Variants in ADAMTS18 observed in about 807,000 individuals in gnomAD.
The protein encoded by ADAMTS18 is A disintegrin and metalloproteinase with thrombospondin motifs 18.
In ADAMTS18, 157 loss-of-function variants were observed where a neutral mutation model predicts 165.9. The observed-to-expected ratio is 0.95, with a 90% CI of 0.83 to 1.08. The LOEUF (loss-of-function observed/expected upper bound fraction) is 1.08, where lower values mean the gene tolerates loss of function less well. ADAMTS18 is among the 50% of genes least tolerant of loss of function. The probability of loss-of-function intolerance (pLI) is 0.00; values close to 1 mark genes in which losing one functional copy is unlikely to be tolerated. For missense variants in ADAMTS18, 2,040 were observed against 1,534.0 expected, an observed-to-expected ratio of 1.33 and a Z score of -5.51; for synonymous variants, 782 against 578.2, an observed-to-expected ratio of 1.35 and a Z score of -5.06.
Position 77,322,355 on chromosome 16 carries a change from C to T in ADAMTS18, c.2144G>A (p.Cys715Tyr). 6.2e-7 allele frequency: 1 copy of T among 1,613,908 alleles called. No homozygotes were observed. Among genetic ancestry groups the T allele is most frequent in the Non-Finnish European group, 8.5e-7 (1 of 1,179,926 alleles). ...TCTTACTTCACAAACCCCGTCAATA[C>T]AAACATCATTTTTGTTTGGGGAGCA... ...TPCSPNKNDV[C>Y]IDGVCELVGC... The change falls in exon 14 of 23, where the codon TGT becomes TAT. Residue 715 changes from cysteine (C) to tyrosine (Y), a missense_variant. Transcript: ENST00000282849.
chr16:77,323,662 G>A (rs1487387842), intron 13 of ADAMTS18, among the ~76,000 whole-genome samples: 3 of 151,618 alleles, frequency 2.0e-5, no homozygotes, highest in Non-Finnish European at 4.4e-5. Context: ...CACAGAGATT[G>A]TCCACATTTA....
chr16:77,366,416 GGCGTGCT>G lies in ADAMTS18; in HGVS notation c.778+1018_778+1024del, dbSNP rs1345290812. 2.8e-4 allele frequency among the ~76,000 whole-genome samples: 43 copies of G among 152,222 alleles called. No homozygotes were observed. In the East Asian group the frequency reaches 5.2e-3, roughly 19 times the overall value. On this transcript the variant is annotated intron_variant, in intron 4 of 22. Transcript: ENST00000282849. ...CTACTAAAAATACAAAAATTAGCTT[GGCGTGCT>G]GGCGTGCGCCTATAATTCCACCTAG...
chr16:77,357,600 A>AT (rs755202840), intron 8 of ADAMTS18, among the ~76,000 whole-genome samples: 4 of 152,314 alleles, frequency 2.6e-5, no homozygotes, highest in East Asian at 3.9e-4. Flanking sequence ...GATTGAAGCC[A>AT]TTACGCTAGA....
At chr16:77,412,034 T>C (rs1033543504) in intron 3 of ADAMTS18, among the ~76,000 whole-genome samples, 1 of 151,772 alleles carries the variant, frequency 6.6e-6, no homozygotes, top group South Asian at 2.1e-4. Context: ...TGTGAGGGTG[T>C]TTCCAGGTGA....
At chr16:77,409,424 G>A (rs1254307502) in intron 3 of ADAMTS18, among the ~76,000 whole-genome samples, 1 of 152,120 alleles carries the variant, frequency 6.6e-6, no homozygotes, top group East Asian at 1.9e-4. Context: ...GCATTTAACT[G>A]GGGACTGGCT....
chr16:77,398,089 G>A (rs145830880), intron 3 of ADAMTS18, among the ~76,000 whole-genome samples: 18,330 of 152,122 alleles, frequency 0.12, 1,386 homozygotes, highest in East Asian at 0.22. Context: ...GGCCGAGGCA[G>A]GCAGATCACC....
intron 17 of ADAMTS18, among the ~76,000 whole-genome samples, chr16:77,299,151 T>C (rs904941716): frequency 5.9e-5 from 9 of 152,366 alleles, no homozygotes; most frequent in Middle Eastern, 3.4e-3. Context: ...GAGATGTCTA[T>C]AACATGATTT....
rs370138720 is a variant in ADAMTS18 at position 77,431,375 on chromosome 16, C to G, written c.415G>C (p.Glu139Gln). The G allele has an allele frequency of 1.2e-6, 2 of 1,614,112 alleles. No homozygotes were observed. The highest frequency in any genetic ancestry group is 1.7e-6 in the Non-Finnish European group (2 of 1,180,032). ...KDGASETQKPEVQQCFYQGFI... is the reference protein window; with the variant it reads ...KDGASETQKPQVQQCFYQGFI... Reference sequence around the variant, plus strand: ...CCCTGATAGAAGCATTGCTGCACCTCGGGTTTCTGAGTCTCTGAAGCACCA... The same window carrying G: ...CCCTGATAGAAGCATTGCTGCACCTGGGGTTTCTGAGTCTCTGAAGCACCA... The change falls in exon 3 of 23, where the codon GAG becomes CAG. Residue 139 changes from glutamate to glutamine, a missense_variant. Glu to Gln is a conservative substitution (Grantham distance 29). Coordinates refer to ENST00000282849, the MANE Select transcript of ADAMTS18 (RefSeq NM_199355.4).
Position 77,319,574 on chromosome 16 carries a change from C to T in ADAMTS18, c.2532+275G>A, listed in dbSNP as rs11644591. On this transcript the variant is annotated intron_variant, in intron 16 of 22. Coordinates refer to ENST00000282849, the MANE Select transcript of ADAMTS18 (RefSeq NM_199355.4). The stretch of plus-strand genomic sequence containing the variant: ...CTCCCGCCTCAGCCCCCACTAATAG[C>T]TGGGATTACAGGCGCGTGCCACCAC... Among the ~76,000 whole-genome samples the T allele has an allele frequency of 3.6e-3, 547 of 152,236 alleles. 3 individuals are homozygous for T. The highest frequency in any genetic ancestry group is 5.7e-3 in the Non-Finnish European group (388 of 68,022).
intron 17 of ADAMTS18, among the ~76,000 whole-genome samples, chr16:77,297,707 A>G (rs1275500220): frequency 6.6e-6 from 1 of 152,112 alleles, no homozygotes; most frequent in Non-Finnish European, 1.5e-5. Flanking sequence ...TGAAAACAGA[A>G]TGACTATAAA....
chr16:77,292,438 C>A (rs1456890001), intron 20 of ADAMTS18, among the ~76,000 whole-genome samples: 1 of 152,114 alleles, frequency 6.6e-6, no homozygotes, highest in Non-Finnish European at 1.5e-5. Flanking sequence ...AGAGGCTGCA[C>A]CCTCTGTCTG....
intron 4 of ADAMTS18, among the ~76,000 whole-genome samples, chr16:77,365,764 G>T (rs972357751): frequency 2.0e-5 from 3 of 152,200 alleles, no homozygotes; most frequent in Non-Finnish European, 4.4e-5. Context: ...CTGTAACACT[G>T]GTCCAGCCGT....
At chr16:77,363,685 A>C in intron 6 of ADAMTS18, 117 bp downstream of exon 6, 1 of 857,716 alleles carries the variant, frequency 1.2e-6, no homozygotes, top group African/African-American at 1.7e-5. Flanking sequence ...GAGTCAGCCT[A>C]GTTTCAAATT....
intron 3 of ADAMTS18, among the ~76,000 whole-genome samples, chr16:77,381,621 G>A (rs2057032040): frequency 6.6e-6 from 1 of 152,038 alleles, no homozygotes; most frequent in Admixed American, 6.5e-5. Context: ...GACCAACATG[G>A]TGAAACCTCG....
intron 3 of ADAMTS18, among the ~76,000 whole-genome samples, chr16:77,412,300 G>T (rs1045389363): frequency 1.3e-5 from 2 of 151,980 alleles, no homozygotes; most frequent in Admixed American, 6.5e-5. Flanking sequence ...TCTTTATAAC[G>T]CATGAGTCAA....
chr16:77,309,860 T>C (rs1180887044), intron 16 of ADAMTS18, among the ~76,000 whole-genome samples: 2 of 152,170 alleles, frequency 1.3e-5, no homozygotes, highest in Non-Finnish European at 2.9e-5. Context: ...AACTGGTCAG[T>C]GACTTCCTAG....
At chr16:77,373,370 A>G (rs970950069) in intron 3 of ADAMTS18, among the ~76,000 whole-genome samples, 1 of 151,956 alleles carries the variant, frequency 6.6e-6, no homozygotes, top group African/African-American at 2.4e-5. Context: ...GAGGCAGGAC[A>G]ATCGCTTGAA....
At chr16:77,297,209 G>C in intron 18 of ADAMTS18, 80 bp downstream of exon 18, 1 of 1,567,722 alleles carries the variant, frequency 6.4e-7, no homozygotes, top group Non-Finnish European at 8.8e-7. Context: ...AGTATTCACA[G>C]TGAGCTTTCA....
chr16:77,294,231 C>T (rs536683601), intron 19 of ADAMTS18, among the ~76,000 whole-genome samples: 137 of 152,180 alleles, frequency 9.0e-4, no homozygotes, highest in Non-Finnish European at 1.3e-3. Context: ...AGGGCTTCTT[C>T]CCTTCAGCAC....
Sources: allele counts gnomAD v4.1 joint callset (sites outside exome capture counted in the v4.1 genomes callset), GRCh38; gene constraint gnomAD v4.1.1; transcripts MANE v1.5; gene names NCBI Gene and HGNC (gene_info 2026-07-23, HGNC 2026-07-21).